GRIK2: variants seen among roughly 807,000 people sequenced by gnomAD.
GRIK2 encodes the protein glutamate receptor ionotropic, kainate 2.
A neutral mutation model predicts 100.3 loss-of-function variants in GRIK2; 32 were observed. That is an observed-to-expected ratio of 0.32 (90% CI 0.24 to 0.43). The LOEUF (loss-of-function observed/expected upper bound fraction) is 0.43, where lower values mean the gene tolerates loss of function less well. Among genes scored for constraint, GRIK2 ranks in the 20% least tolerant of loss-of-function variants. The probability of loss-of-function intolerance (pLI) is 1.00; values close to 1 mark genes in which losing one functional copy is unlikely to be tolerated. For missense variants in GRIK2, 843 were observed against 1,114.9 expected, an observed-to-expected ratio of 0.76 and a Z score of 3.47; for synonymous variants, 417 against 389.4, an observed-to-expected ratio of 1.07 and a Z score of -0.83.
intron 6 of GRIK2, among the ~76,000 whole-genome samples, chr6:101,684,010 T>C (rs1771486585): frequency 6.6e-6 from 1 of 152,190 alleles, no homozygotes; most frequent in Non-Finnish European, 1.5e-5. Flanking sequence ...CAGATCAGAT[T>C]ATTAAAATTT....
intron 7 of GRIK2, among the ~76,000 whole-genome samples, chr6:101,692,215 GA>G (rs1772160781): frequency 6.6e-6 from 1 of 151,926 alleles, no homozygotes; most frequent in Admixed American, 6.6e-5. Flanking sequence ...CATTTGAAAT[GA>G]ATATAAATAT....
At chr6:101,789,667 T>G (rs1779695388) in intron 7 of GRIK2, among the ~76,000 whole-genome samples, 1 of 152,188 alleles carries the variant, frequency 6.6e-6, no homozygotes, top group Admixed American at 6.5e-5. Flanking sequence ...TCTTTTGGCT[T>G]AGGATTGACT....
chr6:101,685,104 A>C (rs1310752627), intron 6 of GRIK2, among the ~76,000 whole-genome samples: 2 of 152,174 alleles, frequency 1.3e-5, no homozygotes, highest in Non-Finnish European at 2.9e-5. Context: ...TTGACCATAC[A>C]AATTGAAAAT....
intron 2 of GRIK2, among the ~76,000 whole-genome samples, chr6:101,530,869 T>G (rs1775407385): frequency 6.6e-6 from 1 of 151,666 alleles, no homozygotes; most frequent in Admixed American, 6.6e-5. Flanking sequence ...TGAACAGAAC[T>G]TACAGACTGA....
At chr6:102,004,612 G>A (rs536138019) in intron 14 of GRIK2, among the ~76,000 whole-genome samples, 1 of 152,008 alleles carries the variant, frequency 6.6e-6, no homozygotes, top group South Asian at 2.1e-4. Flanking sequence ...AGGGTCAGAA[G>A]CAATTCAATT....
At chr6:101,529,103 T>C (rs1239692987) in intron 2 of GRIK2, among the ~76,000 whole-genome samples, 1 of 152,170 alleles carries the variant, frequency 6.6e-6, no homozygotes, top group Non-Finnish European at 1.5e-5. Context: ...ACCCCATGCC[T>C]GCAGAAATTG....
At chr6:101,818,134 A>G (rs1781746051) in intron 9 of GRIK2, among the ~76,000 whole-genome samples, 1 of 152,198 alleles carries the variant, frequency 6.6e-6, no homozygotes, top group African/African-American at 2.4e-5. Context: ...TGGAAAATTA[A>G]GCTCCCACAC....
intron 2 of GRIK2, among the ~76,000 whole-genome samples, chr6:101,518,989 C>G (rs1774732298): frequency 6.6e-6 from 1 of 152,146 alleles, no homozygotes; most frequent in Non-Finnish European, 1.5e-5. Context: ...AGGAGGAAAA[C>G]TTGGCAAGAC....
intron 15 of GRIK2, among the ~76,000 whole-genome samples, chr6:102,044,739 T>TCTTC (rs1199883093): frequency 2.0e-5 from 3 of 151,970 alleles, no homozygotes; most frequent in African/African-American, 7.2e-5. Context: ...ATTTATCCCC[T>TCTTC]CTTCCCTACA....
rs143756818 is a variant in GRIK2 at position 101,484,185 on chromosome 6, G to C, written c.115+84793G>C. On this transcript the variant is annotated intron_variant, in intron 2 of 16. Transcript: ENST00000369134. Reference sequence around the variant, plus strand: ...TTTAGTAGAGTAGATAATAGTCCCAGTTGCTTGGCTCTTTTGATAGCACAT... The same window carrying C: ...TTTAGTAGAGTAGATAATAGTCCCACTTGCTTGGCTCTTTTGATAGCACAT... Among the ~76,000 whole-genome samples the C allele has an allele frequency of 3.6e-3, 552 of 152,280 alleles. 3 individuals carry two copies. Among genetic ancestry groups the C allele is most frequent in the African/African-American group, 0.013 (526 of 41,562 alleles).
intron 7 of GRIK2, among the ~76,000 whole-genome samples, chr6:101,689,614 T>C (rs1771947960): frequency 6.6e-6 from 1 of 152,156 alleles, no homozygotes; most frequent in South Asian, 2.1e-4. Flanking sequence ...GTAAAATTTT[T>C]AGTTTCACTT....
rs60839030 is a variant in GRIK2, at chr6:101,932,881, T to C, written c.2085+4249T>C. 9.0e-3 allele frequency among the ~76,000 whole-genome samples: 1,374 copies of C among 152,058 alleles called. 20 individuals carry two copies. The highest frequency in any genetic ancestry group is 0.031 in the African/African-American group (1,289 of 41,540). ...TCTCACAGAAACTTGAGAGCCCAAGTTTCTACATTTACAGACTCAGTTCCT... is the reference window on the plus strand; with the variant it reads ...TCTCACAGAAACTTGAGAGCCCAAGCTTCTACATTTACAGACTCAGTTCCT... On this transcript the variant is annotated intron_variant, in intron 14 of 16. Coordinates refer to ENST00000369134, the MANE Select transcript of GRIK2 (RefSeq NM_021956.5).
intron 14 of GRIK2, among the ~76,000 whole-genome samples, chr6:101,943,534 A>G (rs1378262781): frequency 6.6e-6 from 1 of 152,224 alleles, no homozygotes; most frequent in Non-Finnish European, 1.5e-5. Context: ...TGTACCCTAA[A>G]GAGCCACAGA....
intron 2 of GRIK2, among the ~76,000 whole-genome samples, chr6:101,414,849 T>C (rs78958934): frequency 0.014 from 2,167 of 152,160 alleles, 51 homozygotes; most frequent in African/African-American, 0.05. Flanking sequence ...TTGTAGAAGA[T>C]ATGGGATATG....
At chr6:102,062,901 T>C (rs2114527885) in intron 16 of GRIK2, among the ~76,000 whole-genome samples, 1 of 150,766 alleles carries the variant, frequency 6.6e-6, no homozygotes, top group African/African-American at 2.4e-5. Flanking sequence ...TTTTCCATTT[T>C]AGTTATTATT....
rs142391999 is a variant in GRIK2, at chr6:101,510,510, GTTT to G, written c.115+111146_115+111148del. Among the ~76,000 whole-genome samples, 337 of 94,258 alleles carry G rather than the reference GTTT, an allele frequency of 3.6e-3. 2 individuals carry two copies. Among genetic ancestry groups the G allele is most frequent in the East Asian group, 0.017 (39 of 2,272 alleles). The allele number at this position is 94,258 out of a possible 152,430, so 61.8% of individuals were successfully genotyped here. On this transcript the variant is annotated intron_variant, in intron 2 of 16. Coordinates refer to ENST00000369134, the MANE Select transcript of GRIK2 (RefSeq NM_021956.5). ...GTCAGATCATGATCCCAGTTGGGGA[GTTT>G]TTTTTTTTTTTTTTTTTTTTTTTTT...
Position 101,822,035 on chromosome 6 carries a change from A to G in GRIK2, c.1317+3552A>G, listed in dbSNP as rs570591992. Among the ~76,000 whole-genome samples, 194 of 152,228 alleles carry G rather than the reference A, an allele frequency of 1.3e-3. 1 individual carries two copies. The highest frequency in any genetic ancestry group is 3.6e-3 in the African/African-American group (151 of 41,544). ...CCACAAGCTAATTATAATCAGCTCT[A>G]TTTCTCATGAATTCTATTCATTCAC... On this transcript the variant is annotated intron_variant, in intron 10 of 16. Coordinates refer to ENST00000369134, the MANE Select transcript of GRIK2 (RefSeq NM_021956.5).
chr6:101,696,801 G>T (rs1772522764), intron 7 of GRIK2, among the ~76,000 whole-genome samples: 2 of 151,792 alleles, frequency 1.3e-5, no homozygotes, highest in Admixed American at 6.6e-5. Context: ...AAATATAAAA[G>T]AATCCTTAAG....
chr6:101,509,584 TG>T lies in GRIK2; in HGVS notation c.115+110195del, dbSNP rs549941579. Among the ~76,000 whole-genome samples, 226 of 152,320 alleles carry T rather than the reference TG, an allele frequency of 1.5e-3. 1 individual carries two copies. The highest frequency in any genetic ancestry group is 5.1e-3 in the African/African-American group (212 of 41,572). On this transcript the variant is annotated intron_variant, in intron 2 of 16. Coordinates refer to ENST00000369134, the MANE Select transcript of GRIK2 (RefSeq NM_021956.5). ...AGAAGTCTGCCTTGTTTCTCTAGTCTGGGATGGAATTTCTGCCTGGAAATTT... is the reference window on the plus strand; with the variant it reads ...AGAAGTCTGCCTTGTTTCTCTAGTCTGGATGGAATTTCTGCCTGGAAATTT...
Sources: allele counts gnomAD v4.1 joint callset (sites outside exome capture counted in the v4.1 genomes callset), GRCh38; gene constraint gnomAD v4.1.1; transcripts MANE v1.5; gene names NCBI Gene and HGNC (gene_info 2026-07-23, HGNC 2026-07-21).